PDE10A: variants seen among roughly 807,000 people sequenced by gnomAD.
PDE10A encodes cAMP and cAMP-inhibited cGMP 3',5'-cyclic phosphodiesterase 10A.
Under a neutral mutation model 97.7 loss-of-function variants are expected in PDE10A, and 39 were observed. The ratio of observed to expected loss-of-function variants is 0.40; its 90% CI spans 0.31 to 0.52. The LOEUF (loss-of-function observed/expected upper bound fraction) is 0.52. Among genes scored for constraint, PDE10A ranks in the 20% least tolerant of loss-of-function variants. PDE10A has a pLI of 0.56. For missense variants in PDE10A, 731 were observed against 1,047.8 expected (o/e 0.70, Z 4.17); for synonymous variants, 371 against 376.8 (o/e 0.98, Z 0.18).
intron 2 of PDE10A, among the ~76,000 whole-genome samples, chr6:165,511,642 G>T (rs535778304): frequency 6.6e-6 from 1 of 152,044 alleles, no homozygotes; most frequent in Non-Finnish European, 1.5e-5. Context: ...CATTGTATTG[G>T]AGTGTCTCTC....
At chr6:165,909,946 A>G (rs917217006) in intron 1 of PDE10A, among the ~76,000 whole-genome samples, 2 of 152,092 alleles carry the variant, frequency 1.3e-5, no homozygotes, top group African/African-American at 2.4e-5. Flanking sequence ...CTGAGTCTCT[A>G]TAAGGCTCGC....
intron 1 of PDE10A, among the ~76,000 whole-genome samples, chr6:165,942,604 C>T (rs972346375): frequency 3.3e-5 from 5 of 152,306 alleles, no homozygotes; most frequent in South Asian, 4.1e-4. Context: ...GGCCTCTGCT[C>T]ACCTGCCCTT....
At chr6:165,938,216 A>T (rs916770732) in intron 1 of PDE10A, among the ~76,000 whole-genome samples, 2 of 152,234 alleles carry the variant, frequency 1.3e-5, no homozygotes, top group Non-Finnish European at 2.9e-5. Context: ...ACAGGTCACC[A>T]ACAGAGCAGC....
In PDE10A at chr6:165,933,765, A is replaced by T. The variant is rs557627755; in HGVS notation, c.-615+53764T>A. 1.3e-3 allele frequency among the ~76,000 whole-genome samples: 197 copies of T among 152,266 alleles called. 2 individuals are homozygous for T. Among genetic ancestry groups the T allele is most frequent in the Non-Finnish European group, 2.5e-3 (170 of 68,028 alleles). On this transcript the variant is annotated intron_variant, in intron 1 of 19. Coordinates refer to the PDE10A transcript ENST00000366882. ...GTACAGGAAAAGAAATTTATACACAACAAAAATGTAACACAACATTCTGGA... is the reference window on the plus strand; with the variant it reads ...GTACAGGAAAAGAAATTTATACACATCAAAAATGTAACACAACATTCTGGA...
chr6:165,982,932 CTTT>C (rs753670037), intron 1 of PDE10A, among the ~76,000 whole-genome samples: 1 of 152,174 alleles, frequency 6.6e-6, no homozygotes, highest in Non-Finnish European at 1.5e-5. Flanking sequence ...CACCAATTTT[CTTT>C]AAGTTACAAA....
intron 1 of PDE10A, among the ~76,000 whole-genome samples, chr6:165,687,731 G>A (rs1023136288): frequency 6.6e-6 from 1 of 152,208 alleles, no homozygotes; most frequent in Non-Finnish European, 1.5e-5. Context: ...CATCCCCAGT[G>A]CACAGCCGTA....
At chr6:165,775,645 G>T (rs1292096150) in intron 1 of PDE10A, 1 of 152,208 alleles carries the variant, frequency 6.6e-6, no homozygotes, top group Non-Finnish European at 1.5e-5. Context: ...TTTCGGGGAT[G>T]TTGGGGGAAA....
chr6:165,437,828 G>A (rs550778476), intron 5 of PDE10A, among the ~76,000 whole-genome samples: 1 of 152,252 alleles, frequency 6.6e-6, no homozygotes, highest in South Asian at 2.1e-4. Flanking sequence ...GTTCCCTTCT[G>A]TGTTGTTTTT....
intron 1 of PDE10A, among the ~76,000 whole-genome samples, chr6:165,947,816 T>G (rs112548067): frequency 6.6e-6 from 1 of 152,324 alleles, no homozygotes; most frequent in African/African-American, 2.4e-5. Context: ...TTTGGCTGCT[T>G]CCTTGCTTCC....
intron 1 of PDE10A, among the ~76,000 whole-genome samples, chr6:165,858,660 G>A (rs1780816123): frequency 6.6e-6 from 1 of 152,174 alleles, no homozygotes; most frequent in African/African-American, 2.4e-5. Context: ...CTCACAACAG[G>A]AAATACATTC....
At chr6:165,384,302 C>G (rs1785112296) in intron 17 of PDE10A, among the ~76,000 whole-genome samples, 1 of 151,992 alleles carries the variant, frequency 6.6e-6, no homozygotes, top group Admixed American at 6.6e-5. Flanking sequence ...TTACCATTTA[C>G]TAGAGACTCA....
chr6:165,933,871 G>T (rs1045603632), intron 1 of PDE10A, among the ~76,000 whole-genome samples: 1 of 152,190 alleles, frequency 6.6e-6, no homozygotes, highest in African/African-American at 2.4e-5. Context: ...CGGCTGCTTT[G>T]ATGGGCACCT....
chr6:165,525,852 G>C (rs1782411823), intron 2 of PDE10A, among the ~76,000 whole-genome samples: 1 of 132,528 alleles, frequency 7.5e-6, no homozygotes, highest in African/African-American at 2.8e-5. Flanking sequence ...ACTAATCATG[G>C]TGTTCCTAGA....
At chr6:165,647,372 T>C (rs545965730) in intron 1 of PDE10A, among the ~76,000 whole-genome samples, 98 of 152,298 alleles carry the variant, frequency 6.4e-4, no homozygotes, top group Non-Finnish European at 1.1e-3. Flanking sequence ...GTTCTGCTTT[T>C]AGACAGGACC....
intron 1 of PDE10A, among the ~76,000 whole-genome samples, chr6:165,577,810 C>T (rs61305686): frequency 0.11 from 16,487 of 152,172 alleles, 1,484 homozygotes; most frequent in African/African-American, 0.25. Context: ...GCCATCCGCC[C>T]GCTTCCGGCC....
At position 165,367,402 on chromosome 6, in the gene PDE10A, G is replaced by A. The variant is rs145688551; in HGVS notation, c.2783+11792C>T. 8.6e-3 allele frequency among the ~76,000 whole-genome samples: 1,305 copies of A among 152,104 alleles called. 5 individuals carry two copies. The highest frequency in any genetic ancestry group is 0.012 in the Non-Finnish European group (831 of 68,000). The stretch of plus-strand genomic sequence containing the variant: ...CATTACCAGTGAAAAACCATACAGA[G>A]CCTTAATAACCTGTAACACAGTATA... On this transcript the variant is annotated intron_variant, in intron 18 of 21. Coordinates refer to ENST00000539869, the MANE Select transcript of PDE10A (RefSeq NM_001385079.1).
chr6:165,430,181 C>T, intron 9 of PDE10A, 106 bp downstream of exon 9: 1 of 726,340 alleles, frequency 1.4e-6, no homozygotes, highest in South Asian at 1.8e-5. Context: ...AAAGACGGAT[C>T]TTCAGTTATC....
At chr6:165,794,309 C>A (rs1778760118) in intron 1 of PDE10A, among the ~76,000 whole-genome samples, 1 of 151,738 alleles carries the variant, frequency 6.6e-6, no homozygotes. Context: ...CTCACACACG[C>A]TCACACATAC....
intron 13 of PDE10A, among the ~76,000 whole-genome samples, chr6:165,410,964 G>A (rs1376181629): frequency 1.3e-5 from 1 of 79,770 alleles, no homozygotes; most frequent in Non-Finnish European, 2.3e-5. Context: ...GGCGGTGCCT[G>A]TAGTCCCAGC....
Sources: allele counts gnomAD v4.1 joint callset (sites outside exome capture counted in the v4.1 genomes callset), GRCh38; gene constraint gnomAD v4.1.1; transcripts MANE v1.5; gene names NCBI Gene and HGNC (gene_info 2026-07-23, HGNC 2026-07-21).